Variants in UBE2G1 observed in about 807,000 individuals in gnomAD.
The protein encoded by UBE2G1 is ubiquitin conjugating enzyme E2 G1.
Under a neutral mutation model 22.7 loss-of-function variants are expected in UBE2G1, and 5 were observed. The observed-to-expected ratio is 0.22, with a 90% CI of 0.12 to 0.46. UBE2G1 has a LOEUF of 0.46. Ranked by LOEUF, UBE2G1 falls within the 20% of genes least tolerant of loss-of-function variation. The pLI, the probability that UBE2G1 is intolerant of heterozygous loss-of-function variation, is 0.99. For missense variants in UBE2G1, 88 were observed against 203.9 expected (o/e 0.43, Z 3.46); for synonymous variants, 74 against 67.5 (o/e 1.10, Z -0.47).
chr17:4,285,359 C>T (rs1968949968), intron 4 of UBE2G1, among the ~76,000 whole-genome samples: 1 of 152,056 alleles, frequency 6.6e-6, no homozygotes, highest in Admixed American at 6.6e-5. Flanking sequence ...CCAATTTTCA[C>T]ATCAGCAATA....
intron 1 of UBE2G1, among the ~76,000 whole-genome samples, chr17:4,360,668 TTGG>T (rs1255535317): frequency 6.6e-6 from 1 of 152,164 alleles, no homozygotes; most frequent in African/African-American, 2.4e-5. Flanking sequence ...TCCCAGCACT[TTGG>T]GAGGCTGAGG....
At chr17:4,288,596 CA>C (rs1968998544) in intron 4 of UBE2G1, among the ~76,000 whole-genome samples, 1 of 152,026 alleles carries the variant, frequency 6.6e-6, no homozygotes, top group African/African-American at 2.4e-5. Flanking sequence ...ATGAGGCTTA[CA>C]AAAAAATTTC....
At chr17:4,346,431 CTTTTTT>C (rs67852481) in intron 1 of UBE2G1, among the ~76,000 whole-genome samples, 1 of 120,530 alleles carries the variant, frequency 8.3e-6, no homozygotes, top group Non-Finnish European at 1.7e-5. Context: ...TTTTCTTCTT[CTTTTTT>C]TTTTTTTTTT....
intron 1 of UBE2G1, chr17:4,345,778 C>A (rs1969762017): frequency 6.6e-6 from 1 of 152,178 alleles, no homozygotes; most frequent in African/African-American, 2.4e-5. Flanking sequence ...TCTTGTTGAT[C>A]TTCAGAGCAT....
At chr17:4,309,158 G>A (rs1969279861) in intron 1 of UBE2G1, among the ~76,000 whole-genome samples, 1 of 152,206 alleles carries the variant, frequency 6.6e-6, no homozygotes, top group Non-Finnish European at 1.5e-5. Flanking sequence ...TACTCAGAAG[G>A]CTGAGACAGG....
chr17:4,357,015 A>G (rs1969913214), intron 1 of UBE2G1, among the ~76,000 whole-genome samples: 1 of 152,158 alleles, frequency 6.6e-6, no homozygotes, highest in South Asian at 2.1e-4. Flanking sequence ...CACAATATCA[A>G]ACCCAAGAAA....
At chr17:4,306,713 G>A (rs1374132685) in intron 2 of UBE2G1, among the ~76,000 whole-genome samples, 2 of 151,440 alleles carry the variant, frequency 1.3e-5, no homozygotes, top group Admixed American at 6.6e-5. Flanking sequence ...GTGCAATGGC[G>A]TGGTCTCAGC....
intron 1 of UBE2G1, among the ~76,000 whole-genome samples, chr17:4,324,357 A>C (rs1442120075): frequency 6.6e-6 from 1 of 152,188 alleles, no homozygotes; most frequent in African/African-American, 2.4e-5. Flanking sequence ...ATTTTTGAAG[A>C]CTTTGTGAGA....
rs560719158 is a variant in UBE2G1 at position 4,344,552 on chromosome 17, C to T, written c.46+21719G>A. ...TGAAACGCCATATGAAGAAAGCTCT[C>T]AAAAAAAAAAAAGGAAAGGAAAAAG... On this transcript the variant is annotated intron_variant, in intron 1 of 5. Coordinates refer to ENST00000396981, the MANE Select transcript of UBE2G1 (RefSeq NM_003342.5). Among the ~76,000 whole-genome samples the T allele has an allele frequency of 6.0e-5, 8 of 132,352 alleles. No homozygotes were observed. In the East Asian group the frequency reaches 1.7e-3, roughly 29 times the overall value. The allele number at this position is 132,352 out of a possible 152,430, so 86.8% of individuals were successfully genotyped here. A position where few individuals can be genotyped will look rare whatever the true frequency, so the allele number is the denominator to read the frequency against.
At chr17:4,331,707 A>G (rs1969580213) in intron 1 of UBE2G1, 1 of 152,230 alleles carries the variant, frequency 6.6e-6, no homozygotes. Context: ...GCTCTGAAAG[A>G]TGAAAACGGA....
intron 2 of UBE2G1, among the ~76,000 whole-genome samples, chr17:4,306,510 C>T (rs1305559605): frequency 6.6e-6 from 1 of 151,894 alleles, no homozygotes; most frequent in East Asian, 1.9e-4. Flanking sequence ...TTTTTAATAG[C>T]AATAGGTCTT....
intron 1 of UBE2G1, among the ~76,000 whole-genome samples, chr17:4,350,523 A>G (rs1969832727): frequency 6.6e-6 from 1 of 152,174 alleles, no homozygotes; most frequent in Non-Finnish European, 1.5e-5. Context: ...ACATTTCAAA[A>G]TAAATAATAA....
chr17:4,316,627 G>A (rs1160447490), intron 1 of UBE2G1, among the ~76,000 whole-genome samples: 4 of 152,114 alleles, frequency 2.6e-5, no homozygotes, highest in Admixed American at 6.5e-5. Context: ...TTAAAAATTT[G>A]CTTAAAATTA....
In UBE2G1 at chr17:4,296,209, C is replaced by A. The variant is rs531031488; in HGVS notation, c.247+508G>T. On this transcript the variant is annotated intron_variant, in intron 3 of 5. Transcript: ENST00000396981. ...CTGGTTTAAAACACGAGTCTCAAAC[C>A]AAACTGAAAACTAAGTAAATAAATA... Among the ~76,000 whole-genome samples the A allele has an allele frequency of 8.6e-5, 13 of 151,980 alleles. 1 individual carries two copies. In the South Asian group the frequency reaches 2.7e-3, roughly 32 times the overall value.
At chr17:4,285,278 A>G (rs544105418) in intron 4 of UBE2G1, among the ~76,000 whole-genome samples, 95 of 152,306 alleles carry the variant, frequency 6.2e-4, no homozygotes, top group African/African-American at 2.2e-3. Flanking sequence ...AAAGAACCTA[A>G]GTACAATGGG....
intron 1 of UBE2G1, among the ~76,000 whole-genome samples, chr17:4,343,034 C>T (rs77814063): frequency 7.2e-5 from 11 of 152,252 alleles, no homozygotes; most frequent in South Asian, 2.1e-4. Context: ...CTTATCACTA[C>T]CTAATACACC....
intron 5 of UBE2G1, among the ~76,000 whole-genome samples, chr17:4,275,694 T>C (rs1054259448): frequency 4.6e-5 from 7 of 152,184 alleles, no homozygotes; most frequent in Non-Finnish European, 1.0e-4. Context: ...TCTTCAATCA[T>C]AGGGAAGTAT....
chr17:4,286,390 G>C (rs901010534), intron 4 of UBE2G1, among the ~76,000 whole-genome samples: 2 of 138,792 alleles, frequency 1.4e-5, no homozygotes, highest in East Asian at 4.2e-4. Context: ...GAGTAACAGA[G>C]TGAGACTCTG....
intron 1 of UBE2G1, among the ~76,000 whole-genome samples, chr17:4,325,307 C>T (rs1241971775): frequency 6.6e-6 from 1 of 152,110 alleles, no homozygotes; most frequent in Non-Finnish European, 1.5e-5. Flanking sequence ...TCAATGTAGT[C>T]CATCAGTCAT....
Sources: gnomAD v4.1 joint callset for allele counts (sites outside exome capture counted in the v4.1 genomes callset) on GRCh38, gnomAD v4.1.1 for gene constraint, MANE v1.5 for transcripts, NCBI Gene and HGNC (gene_info 2026-07-23, HGNC 2026-07-21) for gene names.